The following CCDC146 variants were observed in gnomAD, a reference collection of about 807,000 sequenced individuals.
The protein encoded by CCDC146 is coiled-coil domain containing 146.
Under a neutral mutation model 119.3 loss-of-function variants are expected in CCDC146, and 92 were observed. That is an observed-to-expected ratio of 0.77 (90% CI 0.65 to 0.92). CCDC146 has a LOEUF of 0.92. CCDC146 is among the 40% of genes least tolerant of loss of function. The pLI, the probability that CCDC146 is intolerant of heterozygous loss-of-function variation, is 0.00. For synonymous variants in CCDC146, 372 were observed against 371.8 expected, an observed-to-expected ratio of 1.00 and a Z score of -0.01; for missense variants, 1,000 against 1,103.0, an observed-to-expected ratio of 0.91 and a Z score of 1.32.
rs192926242 is a variant in CCDC146 at position 77,264,762 on chromosome 7, G to A, written c.1173+2455G>A. On this transcript the variant is annotated intron_variant, in intron 9 of 18. Transcript: ENST00000285871. Reference sequence around the variant, plus strand: ...TTTCTCTGTATCCCATCCGCTTCATGTTCCATTTTCTCTCCCACATTTCCT... The same window carrying A: ...TTTCTCTGTATCCCATCCGCTTCATATTCCATTTTCTCTCCCACATTTCCT... 3.9e-3 allele frequency among the ~76,000 whole-genome samples: 589 copies of A among 152,238 alleles called. 1 individual carries two copies. The highest frequency in any genetic ancestry group is 6.3e-3 in the Non-Finnish European group (427 of 67,984).
Position 77,268,133 on chromosome 7 carries a change from G to A in CCDC146, c.1174-5561G>A, listed in dbSNP as rs189599912. On this transcript the variant is annotated intron_variant, in intron 9 of 18. Transcript: ENST00000285871. ...GTTCTCAGGAAATGAGAGTAATTCT[G>A]TGGTAGAGTATCTTAAATTTTACCT... Among the ~76,000 whole-genome samples, 10 of 152,338 alleles carry A rather than the reference G, an allele frequency of 6.6e-5. No homozygotes were observed. In the South Asian group the frequency reaches 1.7e-3, roughly 25 times the overall value.
chr7:77,154,889 A>G (rs1198293429), intron 1 of CCDC146, among the ~76,000 whole-genome samples: 2 of 152,006 alleles, frequency 1.3e-5, no homozygotes, highest in Admixed American at 6.6e-5. Flanking sequence ...ACTGTCTTCC[A>G]CAGTGGGACT....
At chr7:77,224,500 A>G (rs1426358594) in intron 2 of CCDC146, among the ~76,000 whole-genome samples, 3 of 152,198 alleles carry the variant, frequency 2.0e-5, no homozygotes, top group African/African-American at 7.2e-5. Context: ...TCAAGGGGCC[A>G]TTCTTAATCA....
At chr7:77,287,238 T>A in intron 16 of CCDC146, 1 of 607,860 alleles carries the variant, frequency 1.6e-6, no homozygotes, top group Non-Finnish European at 2.9e-6. Context: ...GTGATGTGGA[T>A]GTTAGATAGA....
At chr7:77,258,350 A>T (rs1793220372) in intron 6 of CCDC146, among the ~76,000 whole-genome samples, 1 of 152,086 alleles carries the variant, frequency 6.6e-6, no homozygotes, top group South Asian at 2.1e-4. Context: ...CATTTGAGGG[A>T]TGGGTGGGCA....
intron 2 of CCDC146, among the ~76,000 whole-genome samples, chr7:77,178,517 T>C (rs1584045236): frequency 6.6e-6 from 1 of 152,196 alleles, no homozygotes; most frequent in East Asian, 1.9e-4. Context: ...TGTGGTTTAT[T>C]TGCCTCTCTT....
chr7:77,222,516 C>G (rs2150463908), intron 2 of CCDC146, among the ~76,000 whole-genome samples: 1 of 152,260 alleles, frequency 6.6e-6, no homozygotes, highest in South Asian at 2.1e-4. Context: ...GATCTCAGCA[C>G]ATAAAAGGGG....
rs1793839480 is a variant in CCDC146, at chr7:77,285,910, TTCTCTTTC to T, written c.2149-886_2149-879del. ...GTAGATTCAATAATTAAGAATGTTTTTCTCTTTCTTTGGGAAGCCATTAAACCTATTGC... is the reference window on the plus strand; with the variant it reads ...GTAGATTCAATAATTAAGAATGTTTTTTTGGGAAGCCATTAAACCTATTGC... On this transcript the variant is annotated intron_variant, in intron 15 of 18. Transcript: ENST00000285871. 5.6e-4 allele frequency among the ~76,000 whole-genome samples: 85 copies of T among 152,368 alleles called. 1 individual carries two copies. Among genetic ancestry groups the T allele is most frequent in the Admixed American group, 5.4e-3 (82 of 15,308 alleles).
chr7:77,175,780 T>A (rs1193706977), intron 2 of CCDC146, among the ~76,000 whole-genome samples: 1 of 151,296 alleles, frequency 6.6e-6, no homozygotes, highest in East Asian at 2.0e-4. Flanking sequence ...TTGCTAAAGC[T>A]ACTGAAATTC....
intron 2 of CCDC146, among the ~76,000 whole-genome samples, chr7:77,170,228 G>A (rs1791400203): frequency 6.6e-6 from 1 of 152,140 alleles, no homozygotes; most frequent in Non-Finnish European, 1.5e-5. Context: ...AATATGCAGT[G>A]TCTGGCTTTC....
intron 2 of CCDC146, chr7:77,194,154 C>T (rs1455684267): frequency 6.6e-6 from 1 of 151,976 alleles, no homozygotes; most frequent in East Asian, 1.9e-4. Context: ...ACCTAGTTCC[C>T]ATTAAATTAA....
At position 77,259,082 on chromosome 7, in the gene CCDC146, T is replaced by G; in HGVS notation, c.758+14T>G. On this transcript the variant is annotated intron_variant, in intron 7 of 18. Coordinates refer to ENST00000285871, the MANE Select transcript of CCDC146 (RefSeq NM_020879.3). ...ACGCAAAAAAGTGTATGATTTAATA[T>G]TTTTACTTTGAATCCCTGCCAGTCC... 1.3e-6 allele frequency: 2 copies of G among 1,518,336 alleles called. No individual in the cohort carries two copies. Among genetic ancestry groups the G allele is most frequent in the Non-Finnish European group, 1.8e-6 (2 of 1,096,332 alleles). The allele number at this position is 1,518,336 out of a possible 1,614,324, so 94.1% of individuals were successfully genotyped here.
In CCDC146 at chr7:77,256,439, C is replaced by A. The variant is rs750686526; in HGVS notation, c.614C>A (p.Ser205Tyr). The A allele has an allele frequency of 6.2e-7, 1 of 1,609,610 alleles. No homozygotes were observed. Among genetic ancestry groups the A allele is most frequent in the Non-Finnish European group, 8.5e-7 (1 of 1,178,546 alleles). Residue 205 changes from serine to tyrosine, a missense_variant, in exon 6 of 19, where the codon TCT becomes TAT. By Grantham distance (144) the Ser-to-Tyr change is moderately radical. Around this residue, in one of 2 missense-constraint regions of CCDC146, gnomAD observed 985 missense variants for 1,045.3 expected, o/e 0.94. Coordinates refer to ENST00000285871, the MANE Select transcript of CCDC146 (RefSeq NM_020879.3). ...AAAAATTTACGAGAAGATTTGGCATCTAAACAAAAGCAATTATTAAAAGAG... is the reference window on the plus strand; with the variant it reads ...AAAAATTTACGAGAAGATTTGGCATATAAACAAAAGCAATTATTAAAAGAG... ...EIKNLREDLA[S>Y]KQKQLLKEQK...
intron 11 of CCDC146, 36 bp from the exon 12 acceptor site, chr7:77,278,716 G>T: frequency 7.1e-7 from 1 of 1,417,252 alleles, no homozygotes; most frequent in Non-Finnish European, 9.9e-7. Flanking sequence ...GTGTTCATAT[G>T]TTGTTATTTA....
In CCDC146 at chr7:77,266,412, G is replaced by T. The variant is rs532971872; in HGVS notation, c.1173+4105G>T. Among the ~76,000 whole-genome samples the T allele has an allele frequency of 7.2e-5, 11 of 152,270 alleles. No homozygotes were observed. The South Asian group carries it at 1.2e-3, about 17-fold the overall frequency. ...TTTGAGTCAGGCACAGTCAGGTTCA[G>T]ATTCTAGATCCATTGAATTCCTACC... On this transcript the variant is annotated intron_variant, in intron 9 of 18. Transcript: ENST00000285871.
At chr7:77,214,892 A>T (rs527492867) in intron 2 of CCDC146, among the ~76,000 whole-genome samples, 1 of 152,180 alleles carries the variant, frequency 6.6e-6, no homozygotes, top group East Asian at 1.9e-4. Context: ...ATGAACTTTC[A>T]TCAGGAGGCA....
chr7:77,179,503 C>A (rs949652576), intron 2 of CCDC146, among the ~76,000 whole-genome samples: 3 of 151,836 alleles, frequency 2.0e-5, no homozygotes, highest in African/African-American at 7.3e-5. Flanking sequence ...TTTATTTTTT[C>A]ATTGTATAGT....
chr7:77,166,836 A>G (rs1274766945), intron 1 of CCDC146, among the ~76,000 whole-genome samples: 3 of 152,172 alleles, frequency 2.0e-5, no homozygotes, highest in African/African-American at 7.2e-5. Flanking sequence ...CACCCTGCCA[A>G]TATGATTTGA....
At position 77,290,164 on chromosome 7, in the gene CCDC146, T is replaced by C. The variant is rs539821649; in HGVS notation, c.2415+2587T>C. Among the ~76,000 whole-genome samples the C allele has an allele frequency of 2.8e-3, 409 of 145,676 alleles. 1 individual carries two copies. Among genetic ancestry groups the C allele is most frequent in the African/African-American group, 1.0e-2 (390 of 39,160 alleles). On this transcript the variant is annotated intron_variant, in intron 17 of 18. Transcript: ENST00000285871. ...GGACAAAAAACCAAACACTGCATGTTCTCACTCATAGATGGGAACTGAACA... is the reference window on the plus strand; with the variant it reads ...GGACAAAAAACCAAACACTGCATGTCCTCACTCATAGATGGGAACTGAACA...
Sources: gnomAD v4.1 joint callset for allele counts (sites outside exome capture counted in the v4.1 genomes callset) on GRCh38, gnomAD v4.1.1 for gene constraint, gnomAD v4.1.1 regional missense constraint, MANE v1.5 for transcripts, NCBI Gene and HGNC (gene_info 2026-07-23, HGNC 2026-07-21) for gene names.